RNF38: variants seen among roughly 807,000 people sequenced by gnomAD.
The protein encoded by RNF38 is ring finger protein 38, also known as E3 ubiquitin-protein ligase RNF38.
RNF38 carries 15 observed loss-of-function variants against 67.2 expected under a neutral mutation model. The ratio of observed to expected loss-of-function variants is 0.22; its 90% CI spans 0.15 to 0.34. The LOEUF is 0.34. Ranked by LOEUF, RNF38 falls within the 10% of genes least tolerant of loss-of-function variation. RNF38 has a pLI of 1.00. For missense variants in RNF38, 524 were observed against 639.9 expected, an observed-to-expected ratio of 0.82 and a Z score of 1.95; for synonymous variants, 220 against 218.8, an observed-to-expected ratio of 1.01 and a Z score of -0.05.
chr9:36,456,677 A>G (rs1164190795), intron 1 of RNF38, among the ~76,000 whole-genome samples: 1 of 151,988 alleles, frequency 6.6e-6, no homozygotes, highest in East Asian at 1.9e-4. Flanking sequence ...CCTACTGGAC[A>G]CTAAATCTAA....
chr9:36,453,070 G>A (rs767090766), intron 1 of RNF38, among the ~76,000 whole-genome samples: 1 of 152,000 alleles, frequency 6.6e-6, no homozygotes, highest in Non-Finnish European at 1.5e-5. Context: ...TTTGAGGAAC[G>A]GCCAAACTGT....
chr9:36,342,614 G>A (rs1023984179), intron 10 of RNF38, among the ~76,000 whole-genome samples, 190 bp from the exon 11 acceptor site: 1 of 152,048 alleles, frequency 6.6e-6, no homozygotes, highest in South Asian at 2.1e-4. Context: ...TGACAGATTA[G>A]CAAGAAAATT....
chr9:36,370,296 C>A (rs1564016432), intron 3 of RNF38, among the ~76,000 whole-genome samples: 1 of 152,072 alleles, frequency 6.6e-6, no homozygotes, highest in Admixed American at 6.5e-5. Context: ...ATAAAACGAA[C>A]TTTAATCTGT....
chr9:36,426,195 T>C (rs988074265), intron 1 of RNF38, among the ~76,000 whole-genome samples: 1 of 152,206 alleles, frequency 6.6e-6, no homozygotes, highest in Non-Finnish European at 1.5e-5. Context: ...TTAGACACAA[T>C]TCACATACTA....
rs569195408 is a variant in RNF38, at chr9:36,435,925, G to A, written n.242-11242C>T. On this transcript the variant is annotated intron_variant and non_coding_transcript_variant, in intron 1 of 3. Transcript: ENST00000488058. ...ATTACAGGCGTGAGCCACCGCGCCC[G>A]GACTCTGAATGGAGTTTTTATACAC... Among the ~76,000 whole-genome samples the A allele has an allele frequency of 8.2e-4, 124 of 152,022 alleles. 1 individual carries two copies. In the South Asian group the frequency reaches 0.022, roughly 27 times the overall value.
chr9:36,387,151 C>T (rs892175829), intron 2 of RNF38, among the ~76,000 whole-genome samples: 1 of 152,158 alleles, frequency 6.6e-6, no homozygotes, highest in Non-Finnish European at 1.5e-5. Flanking sequence ...CCGTGTTTAA[C>T]ACATAATCAA....
intron 1 of RNF38, among the ~76,000 whole-genome samples, chr9:36,451,494 T>TTG (rs1554698284): frequency 7.7e-6 from 1 of 130,612 alleles, no homozygotes; most frequent in African/African-American, 3.0e-5. Flanking sequence ...TGTAGTAGTT[T>TTG]TTTTTTTTTT....
chr9:36,362,853 C>T (rs540430985), intron 4 of RNF38, among the ~76,000 whole-genome samples: 2 of 150,906 alleles, frequency 1.3e-5, no homozygotes, highest in East Asian at 2.0e-4. Context: ...AGGATGGTCT[C>T]GATCTCCTGA....
chr9:36,381,274 AAAAAT>A (rs1836191102), intron 2 of RNF38, among the ~76,000 whole-genome samples: 1 of 152,204 alleles, frequency 6.6e-6, no homozygotes, highest in Non-Finnish European at 1.5e-5. Context: ...TTTGTAAACT[AAAAAT>A]AAAATCCCCC....
rs368389737 is a variant in RNF38 at position 36,342,434 on chromosome 9, G to A, written c.1386-10C>T. The A allele has an allele frequency of 1.4e-5, 22 of 1,568,984 alleles. No individual in the cohort carries two copies. The African/African-American group carries it at 2.8e-4, about 20-fold the overall frequency. On this transcript the variant is annotated splice_polypyrimidine_tract_variant and intron_variant, in intron 10 of 11. Transcript: ENST00000259605. Reference sequence around the variant, plus strand: ...CATGCATACTACACACCTAAAAAAAGCAAAAAGATCATTTAACCACAAAAC... The same window carrying A: ...CATGCATACTACACACCTAAAAAAAACAAAAAGATCATTTAACCACAAAAC...
chr9:36,447,385 T>C (rs534918262), intron 1 of RNF38, among the ~76,000 whole-genome samples: 2 of 152,244 alleles, frequency 1.3e-5, no homozygotes, highest in East Asian at 3.9e-4. Context: ...GGGCACACAG[T>C]AGGTATTAAA....
At chr9:36,372,159 G>A (rs1835429680) in intron 3 of RNF38, among the ~76,000 whole-genome samples, 2 of 152,018 alleles carry the variant, frequency 1.3e-5, no homozygotes, top group African/African-American at 4.8e-5. Flanking sequence ...TTGAACTCCC[G>A]ACCTTGTGAT....
At chr9:36,339,930 G>A (rs1832719170) in intron 11 of RNF38, 116 bp from the exon 12 acceptor site, 6 of 936,274 alleles carry the variant, frequency 6.4e-6, no homozygotes, top group African/African-American at 1.6e-5. Flanking sequence ...CCTCTGAAGA[G>A]GTACAAAGCA....
At position 36,336,799 on chromosome 9, in the gene RNF38, T is replaced by C. The variant is rs1198249661; in HGVS notation, c.*2953A>G. 3 of 152,556 alleles carry C rather than the reference T, an allele frequency of 2.0e-5. 1 individual carries two copies. The highest frequency in any genetic ancestry group is 7.2e-5 in the African/African-American group (3 of 41,454). The allele number at this position is 152,556 out of a possible 1,614,324, so 9.5% of individuals were successfully genotyped here. A position where few individuals can be genotyped will look rare whatever the true frequency, so the allele number is the denominator to read the frequency against. On this transcript the variant is annotated 3_prime_UTR_variant, in exon 12 of 12. Transcript: ENST00000259605. ...AAAAATATTCTCACAAGTGAGTCGGTAGATCTCATTCAAAATTATTCTAAG... is the reference window on the plus strand; with the variant it reads ...AAAAATATTCTCACAAGTGAGTCGGCAGATCTCATTCAAAATTATTCTAAG...
chr9:36,351,812 G>A (rs752127572), intron 8 of RNF38, among the ~76,000 whole-genome samples: 5 of 152,124 alleles, frequency 3.3e-5, no homozygotes, highest in Non-Finnish European at 7.4e-5. Context: ...GCCACTTCTG[G>A]GACATATCCT....
intron 2 of RNF38, among the ~76,000 whole-genome samples, chr9:36,417,015 G>A (rs1204472432): frequency 1.3e-5 from 2 of 152,088 alleles, no homozygotes; most frequent in Non-Finnish European, 2.9e-5. Context: ...GCCTCCCAAA[G>A]TGCTGGGATT....
chr9:36,433,321 T>C (rs1286701919), intron 1 of RNF38, among the ~76,000 whole-genome samples: 1 of 151,644 alleles, frequency 6.6e-6, no homozygotes, highest in Non-Finnish European at 1.5e-5. Context: ...AGGTGATGGA[T>C]ACCCCCCCCT....
intron 1 of RNF38, among the ~76,000 whole-genome samples, chr9:36,444,489 C>T (rs1839258833): frequency 6.6e-6 from 1 of 152,052 alleles, no homozygotes; most frequent in African/African-American, 2.4e-5. Flanking sequence ...GAGTGATTAA[C>T]AGGAAGTTCA....
At chr9:36,361,635 ATAGT>A (rs1231018526) in intron 4 of RNF38, among the ~76,000 whole-genome samples, 1 of 152,216 alleles carries the variant, frequency 6.6e-6, no homozygotes, top group Non-Finnish European at 1.5e-5. Context: ...GTTAGTTCTG[ATAGT>A]TCTTCACTTT....
Sources: gnomAD v4.1 joint callset for allele counts (sites outside exome capture counted in the v4.1 genomes callset) on GRCh38, gnomAD v4.1.1 for gene constraint, MANE v1.5 for transcripts, NCBI Gene and HGNC (gene_info 2026-07-23, HGNC 2026-07-21) for gene names.